PLEKHH2: variants seen among roughly 807,000 people sequenced by gnomAD.
The protein encoded by PLEKHH2 is pleckstrin homology, MyTH4 and FERM domain containing H2.
PLEKHH2 carries 129 observed loss-of-function variants against 187.9 expected under a neutral mutation model. The ratio of observed to expected loss-of-function variants is 0.69; its 90% CI spans 0.59 to 0.79. The LOEUF (loss-of-function observed/expected upper bound fraction) is 0.79. Among genes scored for constraint, PLEKHH2 ranks in the 30% least tolerant of loss-of-function variants. PLEKHH2 has a pLI of 0.00. For synonymous variants in PLEKHH2, 686 were observed against 605.6 expected, an observed-to-expected ratio of 1.13 and a Z score of -1.95; for missense variants, 2,076 against 1,751.2, an observed-to-expected ratio of 1.19 and a Z score of -3.31.
chr2:43,745,853 A>T lies in PLEKHH2; in HGVS notation c.3556-13A>T. The T allele has an allele frequency of 1.3e-6, 2 of 1,583,114 alleles. No homozygotes were observed. The highest frequency in any genetic ancestry group is 1.7e-6 in the Non-Finnish European group (2 of 1,155,850). Reference sequence around the variant, plus strand: ...AAAGTACTGTAAATCTCAGTTTTCCACTTCCTTTCTAGATTTGTGACATTA... The same window carrying T: ...AAAGTACTGTAAATCTCAGTTTTCCTCTTCCTTTCTAGATTTGTGACATTA... On this transcript the variant is annotated splice_polypyrimidine_tract_variant and intron_variant, in intron 23 of 29. Transcript: ENST00000282406.
intron 2 of PLEKHH2, among the ~76,000 whole-genome samples, chr2:43,674,093 A>G (rs1667612958): frequency 6.6e-6 from 1 of 152,232 alleles, no homozygotes; most frequent in South Asian, 2.1e-4. Context: ...TTTGTAATAT[A>G]TTAAATATCT....
intron 2 of PLEKHH2, among the ~76,000 whole-genome samples, chr2:43,669,936 C>A (rs1461492652): frequency 6.6e-6 from 1 of 152,008 alleles, no homozygotes; most frequent in Non-Finnish European, 1.5e-5. Flanking sequence ...AAAGAAGCCC[C>A]TGAAGAAAAC....
intron 22 of PLEKHH2, among the ~76,000 whole-genome samples, 196 bp downstream of exon 22, chr2:43,743,114 C>T (rs6544700): frequency 0.34 from 51,657 of 152,018 alleles, 9,456 homozygotes; most frequent in African/African-American, 0.47. Context: ...CAAATCCATA[C>T]TGAACCAAAT....
chr2:43,678,485 A>G (rs1667980651), intron 2 of PLEKHH2, among the ~76,000 whole-genome samples: 1 of 152,220 alleles, frequency 6.6e-6, no homozygotes, highest in African/African-American at 2.4e-5. Flanking sequence ...AGGCTCGCAG[A>G]TCACTCGCGG....
rs1308281173 is a variant in PLEKHH2 at position 43,710,307 on chromosome 2, G to A, written c.2191G>A (p.Glu731Lys). 6.2e-7 allele frequency: 1 copy of A among 1,613,854 alleles called. No homozygotes were observed. Among genetic ancestry groups the A allele is most frequent in the Admixed American group, 1.7e-5 (1 of 60,018 alleles). Residue 731 changes from glutamate to lysine, a missense_variant, in exon 13 of 30, where the codon GAA becomes AAA. By Grantham distance (56) the Glu-to-Lys change is moderately conservative. Coordinates refer to ENST00000282406, the MANE Select transcript of PLEKHH2 (RefSeq NM_172069.4). ...GCGGTGGTTTGTTCTTAAAGGTGGT[G>A]AATTACTTTACTACAAATCTCCGGT... ...KRRWFVLKGG[E>K]LLYYKSPSDV...
chr2:43,678,566 C>A (rs1667989372), intron 2 of PLEKHH2, among the ~76,000 whole-genome samples: 1 of 152,172 alleles, frequency 6.6e-6, no homozygotes, highest in African/African-American at 2.4e-5. Flanking sequence ...GAAAACCAGT[C>A]AGGCGTGGCG....
chr2:43,727,491 G>A (rs961723399), intron 17 of PLEKHH2, among the ~76,000 whole-genome samples: 3 of 151,334 alleles, frequency 2.0e-5, no homozygotes, highest in African/African-American at 7.3e-5. Flanking sequence ...ATACAAAATT[G>A]AAATAATTAT....
At chr2:43,722,168 A>G (rs1423562173) in intron 16 of PLEKHH2, among the ~76,000 whole-genome samples, 1 of 149,636 alleles carries the variant, frequency 6.7e-6, no homozygotes, top group African/African-American at 2.5e-5. Flanking sequence ...AGGCAGGAGG[A>G]TTGCTTGAGC....
At chr2:43,703,601 T>G (rs1029212781) in intron 8 of PLEKHH2, among the ~76,000 whole-genome samples, 1 of 152,216 alleles carries the variant, frequency 6.6e-6, no homozygotes, top group East Asian at 1.9e-4. Flanking sequence ...CTTAATGTTA[T>G]AGCCACTCAT....
intron 3 of PLEKHH2, chr2:43,680,496 T>C (rs1161091726): frequency 1.3e-5 from 2 of 157,920 alleles, no homozygotes; most frequent in East Asian, 1.9e-4. Flanking sequence ...TTATGCTTCC[T>C]CTAAGTTTGT....
chr2:43,643,376 G>C (rs1383624901), intron 1 of PLEKHH2, among the ~76,000 whole-genome samples: 1 of 152,074 alleles, frequency 6.6e-6, no homozygotes, highest in African/African-American at 2.4e-5. Flanking sequence ...AATAAATGTT[G>C]TAGTCTTTTA....
Position 43,727,469 on chromosome 2 carries a change from A to C in PLEKHH2, c.2721+1018A>C, listed in dbSNP as rs1415914423. 5.3e-5 allele frequency among the ~76,000 whole-genome samples: 8 copies of C among 152,138 alleles called. No individual in the cohort carries two copies. The East Asian group carries it at 1.5e-3, about 29-fold the overall frequency. ...TAAGAAATCAGAGTGCAAATGGTTG[A>C]TAGATTTGACTATACAAAATTGAAA... On this transcript the variant is annotated intron_variant, in intron 17 of 29. Transcript: ENST00000282406.
At chr2:43,701,459 T>C (rs1016264512) in intron 8 of PLEKHH2, among the ~76,000 whole-genome samples, 4 of 152,162 alleles carry the variant, frequency 2.6e-5, no homozygotes, top group Non-Finnish European at 4.4e-5. Flanking sequence ...GAAGGAAACA[T>C]TGGAGGTGGG....
chr2:43,676,457 G>A, intron 2 of PLEKHH2: 1 of 657,654 alleles, frequency 1.5e-6, no homozygotes, highest in Non-Finnish European at 2.5e-6. Flanking sequence ...TCTCGGTGGC[G>A]TAGAGAAGGG....
At chr2:43,755,568 C>A (rs555638488) in intron 25 of PLEKHH2, among the ~76,000 whole-genome samples, 81 of 152,314 alleles carry the variant, frequency 5.3e-4, no homozygotes, top group African/African-American at 1.9e-3. Context: ...CAAAACTCAG[C>A]TACTTAAGAC....
chr2:43,675,175 T>C (rs1195097841), intron 2 of PLEKHH2: 3 of 428,684 alleles, frequency 7.0e-6, no homozygotes, highest in Non-Finnish European at 1.2e-5. Flanking sequence ...ATATTTTATT[T>C]AATGCAAAAT....
chr2:43,713,629 T>A (rs114681578), intron 15 of PLEKHH2, among the ~76,000 whole-genome samples: 2,840 of 151,598 alleles, frequency 0.019, 29 homozygotes, highest in Non-Finnish European at 0.024. Context: ...ATTGGTTATC[T>A]CTGTGATTTT....
rs10171823 is a variant in PLEKHH2, at chr2:43,678,798, C to G, written c.124-65C>G. ...GGTAGAATTATGAGATTTTTAAAGC[C>G]TTTTTCAGAAAGGCTCATTTTTCAA... On this transcript the variant is annotated intron_variant, in intron 2 of 29. Coordinates refer to ENST00000282406, the MANE Select transcript of PLEKHH2 (RefSeq NM_172069.4). The G allele has an allele frequency of 2.0e-3, 2,565 of 1,291,004 alleles. 35 individuals carry two copies. In the African/African-American group the frequency reaches 0.034, roughly 17 times the overall value. The allele number at this position is 1,291,004 out of a possible 1,614,324, so 80.0% of individuals were successfully genotyped here.
chr2:43,689,916 T>TA (rs1208899239), intron 3 of PLEKHH2, among the ~76,000 whole-genome samples: 3 of 152,242 alleles, frequency 2.0e-5, no homozygotes, highest in Middle Eastern at 3.2e-3. Context: ...ACAATAGGAC[T>TA]ATTTTATGTG....
Sources: gnomAD v4.1 joint callset for allele counts (sites outside exome capture counted in the v4.1 genomes callset) on GRCh38, gnomAD v4.1.1 for gene constraint, MANE v1.5 for transcripts, NCBI Gene and HGNC (gene_info 2026-07-23, HGNC 2026-07-21) for gene names.